ABHD2: variants seen among roughly 807,000 people sequenced by gnomAD.
ABHD2 encodes abhydrolase domain containing 2, acylglycerol lipase.
ABHD2 carries 20 observed loss-of-function variants against 48.1 expected under a neutral mutation model. That is an observed-to-expected ratio of 0.42 (90% CI 0.29 to 0.60). The LOEUF is 0.60. Ranked by LOEUF, ABHD2 falls within the 20% of genes least tolerant of loss-of-function variation. ABHD2 has a pLI of 0.24. For missense variants in ABHD2, 405 were observed against 550.9 expected, an observed-to-expected ratio of 0.74 and a Z score of 2.65; for synonymous variants, 209 against 214.2, an observed-to-expected ratio of 0.98 and a Z score of 0.21.
chr15:89,049,396 T>C, the ABHD2 span, among the ~76,000 whole-genome samples: 2 of 152,266 alleles, frequency 1.3e-5, no homozygotes, highest in Non-Finnish European at 2.9e-5. Context: ...GCAGGCCTCC[T>C]TGAGCTGTGG....
At chr15:89,141,173 G>A (rs1382115937) in intron 3 of ABHD2, among the ~76,000 whole-genome samples, 2 of 151,642 alleles carry the variant, frequency 1.3e-5, no homozygotes, top group Non-Finnish European at 2.9e-5. Context: ...GTATAGATGA[G>A]GTCTTCCTAT....
Position 89,117,958 on chromosome 15 carries a change from C to T in ABHD2, c.194+1437C>T, listed in dbSNP as rs189695416. On this transcript the variant is annotated intron_variant, in intron 3 of 10. Transcript: ENST00000352732. Reference sequence around the variant, plus strand: ...TGACCCCAAGTCAAGAGAGAGATTGCGTAATAGTGGTGGACACTATAAATG... The same window carrying T: ...TGACCCCAAGTCAAGAGAGAGATTGTGTAATAGTGGTGGACACTATAAATG... Among the ~76,000 whole-genome samples the T allele has an allele frequency of 5.5e-4, 83 of 152,198 alleles. 2 individuals carry two copies. The highest frequency in any genetic ancestry group is 4.6e-3 in the Admixed American group (71 of 15,290).
chr15:89,086,804 G>T (rs1901364155), upstream of ABHD2, among the ~76,000 whole-genome samples: 1 of 151,972 alleles, frequency 6.6e-6, no homozygotes, highest in South Asian at 2.1e-4. Flanking sequence ...CTCTTTTTTG[G>T]AAGTCCAAAC....
chr15:89,044,672 T>TC, the ABHD2 span, among the ~76,000 whole-genome samples: 37 of 152,072 alleles, frequency 2.4e-4, no homozygotes, highest in South Asian at 6.9e-3. Context: ...GAGCATTTTT[T>TC]CATGTGTTTT....
At chr15:89,191,170 C>T in intron 9 of ABHD2, 21 bp downstream of exon 9, 1 of 1,612,640 alleles carries the variant, frequency 6.2e-7, no homozygotes, top group South Asian at 1.1e-5. Flanking sequence ...ATCACGGGCT[C>T]AGAATCAGCA....
At position 89,120,883 on chromosome 15, in the gene ABHD2, C is replaced by G. The variant is rs906868417; in HGVS notation, c.194+4362C>G. On this transcript the variant is annotated intron_variant, in intron 3 of 10. Coordinates refer to ENST00000352732, the MANE Select transcript of ABHD2 (RefSeq NM_152924.5). The surrounding 1 kb of genome is among the most constrained non-coding windows in gnomAD (Gnocchi z 4.2). ...TATAATTCTACCCAGAGATAATGCA[C>G]TATTAATATGTGGGCAATCATCCCT... The G allele has an allele frequency of 2.0e-5, 3 of 152,210 alleles. No individual in the cohort carries two copies. The highest frequency in any genetic ancestry group is 4.4e-5 in the Non-Finnish European group (3 of 68,028). The allele number at this position is 152,210 out of a possible 1,614,324, so 9.4% of individuals were successfully genotyped here.
At chr15:89,119,712 T>A (rs2050017704) in intron 3 of ABHD2, among the ~76,000 whole-genome samples, 1 of 152,182 alleles carries the variant, frequency 6.6e-6, no homozygotes, top group Admixed American at 6.5e-5. Context: ...CAGCCCCTGA[T>A]GATGACAGCC....
the ABHD2 span, among the ~76,000 whole-genome samples, chr15:89,054,461 A>T: frequency 6.6e-6 from 1 of 152,054 alleles, no homozygotes; most frequent in African/African-American, 2.4e-5. Flanking sequence ...TGGGTGGATC[A>T]CTTGAGGTCA....
At chr15:89,149,026 C>T (rs1008981013) in intron 3 of ABHD2, among the ~76,000 whole-genome samples, 1 of 152,090 alleles carries the variant, frequency 6.6e-6, no homozygotes, top group Non-Finnish European at 1.5e-5. Flanking sequence ...TGAACCCCAC[C>T]ATAGTAAATG....
rs147192530 is a variant in ABHD2, at chr15:89,144,992, C to T, written c.195-6685C>T. 7.9e-4 allele frequency among the ~76,000 whole-genome samples: 120 copies of T among 152,332 alleles called. 3 individuals carry two copies. In the East Asian group the frequency reaches 0.011, roughly 13 times the overall value. On this transcript the variant is annotated intron_variant, in intron 3 of 10. Transcript: ENST00000352732. ...CTCCAGTAGGCCGGGCACAGTGGCT[C>T]ACACCTGTAATCCCAGCACTTTGGG...
At position 89,201,776 on chromosome 15, in the gene ABHD2, C is replaced by T. The variant is rs2051467788; in HGVS notation, c.*6353C>T. ...CGAGGACCAGGATCTGCTCGTGCTT[C>T]GCCGTGGCCCCGGAGGCAGACGCCA... On this transcript the variant is annotated 3_prime_UTR_variant, in exon 11 of 11. Transcript: ENST00000352732. 4 of 1,498,252 alleles carry T rather than the reference C, an allele frequency of 2.7e-6. No individual in the cohort carries two copies. The highest frequency in any genetic ancestry group is 1.9e-6 in the Non-Finnish European group (2 of 1,076,866). 92.8% of individuals were successfully genotyped at this position (1,498,252 alleles called of 1,614,324 possible).
chr15:89,047,659 C>A, the ABHD2 span, among the ~76,000 whole-genome samples: 2 of 151,280 alleles, frequency 1.3e-5, no homozygotes, highest in African/African-American at 2.4e-5. Context: ...TAATGGCCTT[C>A]TTTGTCTCTT....
chr15:89,048,517 CG>C, the ABHD2 span, among the ~76,000 whole-genome samples: 1 of 152,254 alleles, frequency 6.6e-6, no homozygotes, highest in South Asian at 2.1e-4. Flanking sequence ...CCATTCTCCC[CG>C]TCACTTTCAG....
the ABHD2 span, among the ~76,000 whole-genome samples, chr15:89,070,637 A>G: frequency 6.6e-6 from 1 of 152,178 alleles, no homozygotes; most frequent in African/African-American, 2.4e-5. Context: ...CATTTCTAAC[A>G]TTATTTAGAA....
intron 3 of ABHD2, among the ~76,000 whole-genome samples, chr15:89,133,136 G>A (rs1333934589): frequency 2.0e-5 from 3 of 152,218 alleles, no homozygotes; most frequent in South Asian, 2.1e-4. Context: ...TGTACCCTCC[G>A]TGTTGCCCTT....
chr15:89,201,946 C>G lies in ABHD2; in HGVS notation c.*6523C>G. ...ATTCTTATGTTGGCAGATCTGCTTC[C>G]AGATTGATTTTTAGAGCACCATCAC... On this transcript the variant is annotated 3_prime_UTR_variant, in exon 11 of 11. Transcript: ENST00000352732. 2.0e-6 allele frequency: 1 copy of G among 509,442 alleles called. No homozygotes were observed. Among genetic ancestry groups the G allele is most frequent in the Non-Finnish European group, 3.5e-6 (1 of 287,640 alleles). The allele number at this position is 509,442 out of a possible 1,614,324, so 31.6% of individuals were successfully genotyped here. A position where few individuals can be genotyped will look rare whatever the true frequency, so the allele number is the denominator to read the frequency against.
At chr15:89,139,890 G>A (rs1464670205) in intron 3 of ABHD2, among the ~76,000 whole-genome samples, 3 of 152,146 alleles carry the variant, frequency 2.0e-5, no homozygotes, top group Admixed American at 1.3e-4. Context: ...GAATCTGACC[G>A]GAGTTTCAGC....
Position 89,120,996 on chromosome 15 carries a change from C to T in ABHD2, c.194+4475C>T, listed in dbSNP as rs982576134. ...CCTGCTTTCACCAAACCATGATGAA[C>T]GTTGCCATGAACATTCACCCATGCT... On this transcript the variant is annotated intron_variant, in intron 3 of 10. Coordinates refer to ENST00000352732, the MANE Select transcript of ABHD2 (RefSeq NM_152924.5). This position sits in a 1 kb window ranked among gnomAD's most constrained non-coding sequence, Gnocchi z 4.2. Among the ~76,000 whole-genome samples, 2 of 152,188 alleles carry T rather than the reference C, an allele frequency of 1.3e-5. No homozygotes were observed. Among genetic ancestry groups the T allele is most frequent in the Admixed American group, 6.5e-5 (1 of 15,276 alleles).
the ABHD2 span, among the ~76,000 whole-genome samples, chr15:89,065,061 T>C: frequency 1.3e-5 from 2 of 152,120 alleles, no homozygotes; most frequent in Admixed American, 1.3e-4. Flanking sequence ...ACAGCCTAAA[T>C]GTAAGTCTAC....
Sources: gnomAD v4.1 joint callset for allele counts (sites outside exome capture counted in the v4.1 genomes callset) on GRCh38, gnomAD v4.1.1 for gene constraint, Gnocchi (gnomAD v3.1) non-coding constraint, MANE v1.5 for transcripts, NCBI Gene and HGNC (gene_info 2026-07-23, HGNC 2026-07-21) for gene names.